Variants in TMPRSS12 observed in about 807,000 individuals in gnomAD.
TMPRSS12 encodes the protein transmembrane serine protease 12.
Under a neutral mutation model 26.0 loss-of-function variants are expected in TMPRSS12, and 25 were observed. The ratio of observed to expected loss-of-function variants is 0.96; its 90% confidence interval spans 0.70 to 1.34. The LOEUF is 1.34. TMPRSS12 is among the 40% of genes most tolerant of loss of function. The pLI is 0.00. For missense variants in TMPRSS12, 441 were observed against 440.1 expected, an observed-to-expected ratio of 1.00 and a Z score of -0.02; for synonymous variants, 150 against 161.7, an observed-to-expected ratio of 0.93 and a Z score of 0.55.
At chr12:50,854,450 C>T (rs981059746) in intron 2 of TMPRSS12, among the ~76,000 whole-genome samples, 6 of 152,046 alleles carry the variant, frequency 3.9e-5, no homozygotes, top group African/African-American at 1.4e-4. Context: ...TACTGGAAGT[C>T]CTAACCAGAG....
In TMPRSS12 at chr12:50,872,647, T is replaced by C. The variant is rs867646886; in HGVS notation, c.653-12599T>C. Among the ~76,000 whole-genome samples, 17 of 74,788 alleles carry C rather than the reference T, an allele frequency of 2.3e-4. 2 individuals carry two copies. The highest frequency in any genetic ancestry group is 3.5e-4 in the African/African-American group (7 of 19,976). The allele number at this position is 74,788 out of a possible 152,430, so 49.1% of individuals were successfully genotyped here. ...TATGTACATATATATGACGTATATG[T>C]ACATATATGACGTATATGTACATAT... On this transcript the variant is annotated intron_variant, in intron 3 of 4. Coordinates refer to ENST00000398458, the MANE Select transcript of TMPRSS12 (RefSeq NM_182559.3).
chr12:50,852,879 T>C (rs1198967687), intron 2 of TMPRSS12, among the ~76,000 whole-genome samples: 1 of 152,148 alleles, frequency 6.6e-6, no homozygotes, highest in Admixed American at 6.5e-5. Context: ...ACAATAATAG[T>C]GGGAGACTTT....
intron 3 of TMPRSS12, among the ~76,000 whole-genome samples, chr12:50,872,519 CAAAAAAAAAAAAA>C (rs778372099): frequency 2.5e-5 from 1 of 39,840 alleles, no homozygotes; most frequent in Admixed American, 3.3e-4. Flanking sequence ...GACTCCGTCT[CAAAAAAAAAAAAA>C]AAAAAAAAAA....
chr12:50,854,332 A>G (rs1310963472), intron 2 of TMPRSS12, among the ~76,000 whole-genome samples: 1 of 152,204 alleles, frequency 6.6e-6, no homozygotes, highest in East Asian at 1.9e-4. Context: ...AGAGCCATCT[A>G]TGACAAACCC....
chr12:50,844,582 C>T (rs1328343051), intron 2 of TMPRSS12, among the ~76,000 whole-genome samples: 7 of 152,044 alleles, frequency 4.6e-5, no homozygotes, highest in African/African-American at 1.4e-4. Flanking sequence ...ACCATGTTGG[C>T]CAGGCTGGTC....
At chr12:50,875,382 T>G (rs2139734262) in intron 3 of TMPRSS12, among the ~76,000 whole-genome samples, 1 of 148,696 alleles carries the variant, frequency 6.7e-6, no homozygotes, top group African/African-American at 2.5e-5. Flanking sequence ...TCCCAGCTAC[T>G]TGGGAGGCTG....
chr12:50,869,731 A>G (rs543178988), intron 3 of TMPRSS12, among the ~76,000 whole-genome samples: 6 of 152,332 alleles, frequency 3.9e-5, no homozygotes, highest in African/African-American at 1.2e-4. Context: ...CCTGATGAAC[A>G]TAGGTGCTAA....
At chr12:50,878,457 A>G (rs772364263) in intron 3 of TMPRSS12, among the ~76,000 whole-genome samples, 1 of 152,146 alleles carries the variant, frequency 6.6e-6, no homozygotes, top group Non-Finnish European at 1.5e-5. Flanking sequence ...ACGCAGCTAT[A>G]GTCCCAGCTA....
chr12:50,859,031 C>T lies in TMPRSS12; in HGVS notation c.630C>T (p.Gly210=). ...LDGNTKCFIS[G]WGRTKEEGNA... ...GAAACACAAAGTGTTTTATAAGTGG[C>T]TGGGGAAGAACAAAAGAAGAAGGTA... Residue 210 remains glycine, a synonymous_variant, in exon 3 of 5, where the codon GGC becomes GGT. Transcript: ENST00000398458. The T allele has an allele frequency of 6.3e-7, 1 of 1,592,504 alleles. No individual in the cohort carries two copies. Among genetic ancestry groups the T allele is most frequent in the Non-Finnish European group, 8.5e-7 (1 of 1,172,106 alleles).
chr12:50,879,633 C>G lies in TMPRSS12; in HGVS notation c.653-5613C>G, dbSNP rs919371661. ...ACTAGAAAAGAAGGCTGAAAGTAGT[C>G]ATGTGTAAATTGTTATCATTAACGA... On this transcript the variant is annotated intron_variant, in intron 3 of 4. Coordinates refer to ENST00000398458, the MANE Select transcript of TMPRSS12 (RefSeq NM_182559.3). Among the ~76,000 whole-genome samples, 18 of 152,114 alleles carry G rather than the reference C, an allele frequency of 1.2e-4. 1 individual carries two copies. Among genetic ancestry groups the G allele is most frequent in the Non-Finnish European group, 2.6e-4 (18 of 68,022 alleles).
intron 3 of TMPRSS12, among the ~76,000 whole-genome samples, chr12:50,880,893 C>T (rs1938156630): frequency 6.8e-6 from 1 of 146,362 alleles, no homozygotes; most frequent in African/African-American, 2.5e-5. Flanking sequence ...ATACAAAAGA[C>T]TACAAATGTG....
chr12:50,869,806 G>T (rs1938024820), intron 3 of TMPRSS12, among the ~76,000 whole-genome samples: 1 of 152,092 alleles, frequency 6.6e-6, no homozygotes, highest in South Asian at 2.1e-4. Flanking sequence ...CCACCAGCTG[G>T]GCACAGTGGC....
At chr12:50,854,948 A>C (rs896545776) in intron 2 of TMPRSS12, among the ~76,000 whole-genome samples, 4 of 152,212 alleles carry the variant, frequency 2.6e-5, no homozygotes, top group African/African-American at 9.7e-5. Flanking sequence ...TTTTACACAG[A>C]ATTTTAAAAA....
intron 3 of TMPRSS12, among the ~76,000 whole-genome samples, chr12:50,878,079 G>A (rs1219001146): frequency 6.6e-6 from 1 of 151,904 alleles, no homozygotes; most frequent in Non-Finnish European, 1.5e-5. Flanking sequence ...TTGTTAATAC[G>A]GCAATTATTC....
At chr12:50,886,204 T>C (rs1365518670) in intron 4 of TMPRSS12, 3 of 152,196 alleles carry the variant, frequency 2.0e-5, no homozygotes, top group African/African-American at 7.2e-5. Context: ...TACAAGTCCC[T>C]TACCAGATAC....
chr12:50,854,005 C>A (rs1163276272), intron 2 of TMPRSS12, among the ~76,000 whole-genome samples: 1 of 152,010 alleles, frequency 6.6e-6, no homozygotes, highest in East Asian at 1.9e-4. Context: ...TAACTGAAAC[C>A]TGCCAGAGAC....
chr12:50,872,919 ACATATATGATG>A lies in TMPRSS12; in HGVS notation c.653-12326_653-12316del, dbSNP rs1446952012. On this transcript the variant is annotated intron_variant, in intron 3 of 4. Transcript: ENST00000398458. ...TGTACATATATATGACTATATATGT[ACATATATGATG>A]TATATATGTACATATATATGACGTA... Among the ~76,000 whole-genome samples the A allele has an allele frequency of 2.5e-4, 22 of 87,922 alleles. 2 individuals carry two copies. Among genetic ancestry groups the A allele is most frequent in the African/African-American group, 7.6e-4 (20 of 26,408 alleles). 57.7% of individuals were successfully genotyped at this position (87,922 alleles called of 152,430 possible). A position where few individuals can be genotyped will look rare whatever the true frequency, so the allele number is the denominator to read the frequency against.
At chr12:50,845,951 A>G (rs1185483630) in intron 2 of TMPRSS12, among the ~76,000 whole-genome samples, 1 of 152,098 alleles carries the variant, frequency 6.6e-6, no homozygotes, top group Non-Finnish European at 1.5e-5. Context: ...AGGAATGTCT[A>G]TTCAAGTCCT....
intron 3 of TMPRSS12, among the ~76,000 whole-genome samples, chr12:50,884,611 C>G (rs1310107558): frequency 6.6e-6 from 1 of 152,126 alleles, no homozygotes; most frequent in Non-Finnish European, 1.5e-5. Flanking sequence ...GTGGCTCACA[C>G]CTGTAATCCT....
Sources: allele counts gnomAD v4.1 joint callset (sites outside exome capture counted in the v4.1 genomes callset), GRCh38; gene constraint gnomAD v4.1.1; transcripts MANE v1.5; gene names NCBI Gene and HGNC (gene_info 2026-07-23, HGNC 2026-07-21).